The following TCERG1L variants were observed in gnomAD, a reference collection of about 807,000 sequenced individuals.
TCERG1L encodes the protein transcription elongation regulator 1 like.
TCERG1L carries 37 observed loss-of-function variants against 56.3 expected under a neutral mutation model. That is an observed-to-expected ratio of 0.66 (90% CI 0.51 to 0.87). The LOEUF (loss-of-function observed/expected upper bound fraction) is 0.87, where lower values mean the gene tolerates loss of function less well. TCERG1L is among the 40% of genes least tolerant of loss of function. The pLI, the probability that TCERG1L is intolerant of heterozygous loss-of-function variation, is 0.00. For synonymous variants in TCERG1L, 324 were observed against 326.3 expected, an observed-to-expected ratio of 0.99 and a Z score of 0.08; for missense variants, 799 against 774.2, an observed-to-expected ratio of 1.03 and a Z score of -0.38.
At chr10:131,252,628 C>T (rs7068713) in intron 4 of TCERG1L, among the ~76,000 whole-genome samples, 2,635 of 152,268 alleles carry the variant, frequency 0.017, 86 homozygotes, top group African/African-American at 0.06. Context: ...CTCCAACGAG[C>T]GCCCATCAGG....
At chr10:131,202,566 G>A (rs914462543) in intron 4 of TCERG1L, among the ~76,000 whole-genome samples, 1 of 152,066 alleles carries the variant, frequency 6.6e-6, no homozygotes, top group Non-Finnish European at 1.5e-5. Context: ...GGGTGACAGA[G>A]CAAGACTCCA....
At chr10:131,166,951 T>A in intron 4 of TCERG1L, 66 bp from the exon 5 acceptor site, 3 of 1,461,758 alleles carry the variant, frequency 2.1e-6, no homozygotes, top group East Asian at 2.4e-5. Context: ...ACCTAAGCAA[T>A]CAAAGACAAA....
At chr10:131,285,494 AAG>A (rs1169123858) in intron 3 of TCERG1L, among the ~76,000 whole-genome samples, 1,518 of 25,178 alleles carry the variant, frequency 0.06, 52 homozygotes, top group Middle Eastern at 0.15. Flanking sequence ...GAAAGAAAGA[AAG>A]AAAGAAAGAA....
intron 11 of TCERG1L, 94 bp from the exon 12 acceptor site, chr10:131,093,412 C>G: frequency 2.0e-6 from 3 of 1,469,362 alleles, no homozygotes; most frequent in East Asian, 2.3e-5. Flanking sequence ...AAGCATCCAG[C>G]CCTTCCACCA....
rs143871398 is a variant in TCERG1L, at chr10:131,291,715, C to T, written c.670+16496G>A. The stretch of plus-strand genomic sequence containing the variant: ...TGCTAGGATTACAGGCGTGAGCCAC[C>T]GCGCCCGGCCTCCATAAACAGCATT... On this transcript the variant is annotated intron_variant, in intron 3 of 11. Transcript: ENST00000368642. Among the ~76,000 whole-genome samples, 10 of 151,792 alleles carry T rather than the reference C, an allele frequency of 6.6e-5. No homozygotes were observed. In the East Asian group the frequency reaches 1.2e-3, roughly 18 times the overall value.
chr10:131,143,770 G>A (rs1249090468), intron 7 of TCERG1L, among the ~76,000 whole-genome samples: 1 of 152,110 alleles, frequency 6.6e-6, no homozygotes, highest in Non-Finnish European at 1.5e-5. Flanking sequence ...TGGGGCTGGG[G>A]GTGAAGCCTG....
chr10:131,305,495 T>C (rs1407662833), intron 3 of TCERG1L, among the ~76,000 whole-genome samples: 1 of 152,046 alleles, frequency 6.6e-6, no homozygotes, highest in Non-Finnish European at 1.5e-5. Context: ...CCAACTTAGC[T>C]CAACAAACGA....
At chr10:131,203,314 C>CAAA (rs58016777) in intron 4 of TCERG1L, among the ~76,000 whole-genome samples, 1 of 117,672 alleles carries the variant, frequency 8.5e-6, no homozygotes, top group African/African-American at 3.2e-5. Flanking sequence ...GACTCCGTCT[C>CAAA]AAAAAAAAAA....
At chr10:131,220,880 G>A (rs938134263) in intron 4 of TCERG1L, among the ~76,000 whole-genome samples, 7 of 152,202 alleles carry the variant, frequency 4.6e-5, no homozygotes, top group Admixed American at 2.6e-4. Flanking sequence ...CCATGCCCTC[G>A]TATGTGTGGT....
At position 131,225,168 on chromosome 10, in the gene TCERG1L, C is replaced by T. The variant is rs570416456; in HGVS notation, c.856+35091G>A. On this transcript the variant is annotated intron_variant, in intron 4 of 11. Coordinates refer to ENST00000368642, the MANE Select transcript of TCERG1L (RefSeq NM_174937.4). ...AGCTCAGGTGCTCTTCTGCATCATG[C>T]ACTGTATTAGTTTATCAGAGGAAAA... Among the ~76,000 whole-genome samples the T allele has an allele frequency of 3.9e-5, 6 of 152,332 alleles. No individual in the cohort carries two copies. In the South Asian group the frequency reaches 1.2e-3, roughly 32 times the overall value.
chr10:131,167,575 G>A (rs1846045644), intron 4 of TCERG1L, among the ~76,000 whole-genome samples: 1 of 152,252 alleles, frequency 6.6e-6, no homozygotes, highest in Non-Finnish European at 1.5e-5. Context: ...AAGGGCCAGT[G>A]TAGGACAACA....
intron 6 of TCERG1L, among the ~76,000 whole-genome samples, chr10:131,147,245 GAC>G (rs1486125043): frequency 1.3e-5 from 2 of 152,076 alleles, no homozygotes; most frequent in African/African-American, 4.8e-5. Flanking sequence ...GGAAACTGAA[GAC>G]ATCTAAAAGG....
chr10:131,115,660 T>G (rs1845453387), intron 9 of TCERG1L, among the ~76,000 whole-genome samples: 1 of 152,134 alleles, frequency 6.6e-6, no homozygotes, highest in Admixed American at 6.5e-5. Context: ...GAGTAAATGA[T>G]GAAATACATA....
intron 4 of TCERG1L, among the ~76,000 whole-genome samples, chr10:131,255,844 C>G (rs1015655307): frequency 4.6e-5 from 7 of 152,234 alleles, no homozygotes; most frequent in African/African-American, 1.7e-4. Context: ...TAGAGCCCAA[C>G]AGTGGGAAAG....
chr10:131,095,562 A>G (rs1054943318), intron 11 of TCERG1L: 1 of 152,228 alleles, frequency 6.6e-6, no homozygotes, highest in Non-Finnish European at 1.5e-5. Context: ...ATGCCTACAG[A>G]AAAGTATACA....
chr10:131,231,850 A>C (rs1845856068), intron 4 of TCERG1L, among the ~76,000 whole-genome samples: 1 of 152,150 alleles, frequency 6.6e-6, no homozygotes, highest in Non-Finnish European at 1.5e-5. Context: ...CCCTCTCCAC[A>C]TGTGGGAGTC....
chr10:131,250,099 C>T (rs574648924), intron 4 of TCERG1L, among the ~76,000 whole-genome samples: 67 of 152,166 alleles, frequency 4.4e-4, no homozygotes, highest in African/African-American at 1.4e-3. Flanking sequence ...GGAGCCCAGC[C>T]GACTCACATG....
chr10:131,273,814 G>A (rs1354080282), intron 3 of TCERG1L, among the ~76,000 whole-genome samples: 4 of 152,200 alleles, frequency 2.6e-5, no homozygotes, highest in African/African-American at 9.6e-5. Flanking sequence ...CGGAGCTCTG[G>A]TGAGTGCTGG....
chr10:131,111,523 G>A (rs1320642425), intron 9 of TCERG1L, among the ~76,000 whole-genome samples: 1 of 143,078 alleles, frequency 7.0e-6, no homozygotes. Flanking sequence ...GGAGCATGAA[G>A]TGTTAATCGA....
Sources: gnomAD v4.1 joint callset for allele counts (sites outside exome capture counted in the v4.1 genomes callset) on GRCh38, gnomAD v4.1.1 for gene constraint, MANE v1.5 for transcripts, NCBI Gene and HGNC (gene_info 2026-07-23, HGNC 2026-07-21) for gene names.